Variants in DDX42 observed in about 807,000 individuals in gnomAD.
DDX42 encodes the protein DEAD-box helicase 42.
Under a neutral mutation model 101.5 loss-of-function variants are expected in DDX42, and 22 were observed. The observed-to-expected ratio is 0.22, with a 90% CI of 0.15 to 0.31. DDX42 has a LOEUF of 0.31. Ranked by LOEUF, DDX42 falls within the 10% of genes least tolerant of loss-of-function variation. The probability of loss-of-function intolerance (pLI) is 1.00; values close to 1 mark genes in which losing one functional copy is unlikely to be tolerated. For missense variants in DDX42, 849 were observed against 1,199.9 expected, an observed-to-expected ratio of 0.71 and a Z score of 4.32; for synonymous variants, 402 against 401.2, an observed-to-expected ratio of 1.00 and a Z score of -0.02.
intron 1 of DDX42, among the ~76,000 whole-genome samples, chr17:63,776,873 A>T (rs1475601249): frequency 6.6e-6 from 1 of 152,062 alleles, no homozygotes; most frequent in Non-Finnish European, 1.5e-5. Flanking sequence ...AGCCTGTGCT[A>T]CTTTACTATT....
chr17:63,817,597 C>G (rs1164106321), intron 17 of DDX42, 97 bp from the exon 18 acceptor site: 1 of 1,207,512 alleles, frequency 8.3e-7, no homozygotes, highest in Non-Finnish European at 1.2e-6. Flanking sequence ...GCCAGGATAG[C>G]ACAGAGTTTC....
intron 3 of DDX42, 71 bp from the exon 4 acceptor site, chr17:63,797,967 T>C: frequency 6.9e-7 from 1 of 1,444,012 alleles, no homozygotes; most frequent in Non-Finnish European, 9.5e-7. Flanking sequence ...ATGGCACTTG[T>C]TCCAATCTAA....
At position 63,818,993 on chromosome 17, in the gene DDX42, TCCCAGAAG is replaced by T. The variant is rs1008626923; in HGVS notation, c.*598_*605del. ...CCTTTCAGACCCAGGCTCTGAAGAT[TCCCAGAAG>T]CCACAAGGATTGAAGGGAAAAGGTG... On this transcript the variant is annotated 3_prime_UTR_variant, in exon 18 of 18. Transcript: ENST00000389924. 2 of 152,662 alleles carry T rather than the reference TCCCAGAAG, an allele frequency of 1.3e-5. No homozygotes were observed. Among genetic ancestry groups the T allele is most frequent in the African/African-American group, 4.8e-5 (2 of 41,410 alleles). 9.5% of individuals were successfully genotyped at this position (152,662 alleles called of 1,614,324 possible). A position where few individuals can be genotyped will look rare whatever the true frequency, so the allele number is the denominator to read the frequency against.
rs1207308849 is a variant in DDX42, at chr17:63,818,840, C to G, written c.*442C>G. 6.2e-6 allele frequency: 1 copy of G among 161,822 alleles called. No individual in the cohort carries two copies. Among genetic ancestry groups the G allele is most frequent in the Non-Finnish European group, 1.4e-5 (1 of 72,640 alleles). The allele number at this position is 161,822 out of a possible 1,614,324, so 10.0% of individuals were successfully genotyped here. A position where few individuals can be genotyped will look rare whatever the true frequency, so the allele number is the denominator to read the frequency against. On this transcript the variant is annotated 3_prime_UTR_variant, in exon 18 of 18. Transcript: ENST00000389924. ...GCTTCTGCAAATTCAATCCATTGAGCTAACTGTTGGGGAGCAATTTGGTAG... is the reference window on the plus strand; with the variant it reads ...GCTTCTGCAAATTCAATCCATTGAGGTAACTGTTGGGGAGCAATTTGGTAG...
At chr17:63,810,251 ATT>A (rs11450730) in intron 11 of DDX42, 11,132 of 121,120 alleles carry the variant, frequency 0.092, 1,564 homozygotes, top group African/African-American at 0.33. Context: ...CAGCCTGGCT[ATT>A]TTTTTTTTTT....
At chr17:63,812,249 A>G (rs763245906) in intron 14 of DDX42, 41 bp downstream of exon 14, 16 of 1,588,056 alleles carry the variant, frequency 1.0e-5, no homozygotes, top group South Asian at 2.3e-5. Flanking sequence ...TTCCTAGGCT[A>G]TAAGGGTACT....
chr17:63,805,435 G>T, intron 7 of DDX42: 1 of 322,946 alleles, frequency 3.1e-6, no homozygotes, highest in Non-Finnish European at 5.6e-6. Flanking sequence ...ATGGGCTAGT[G>T]ATGAAGGGTG....
intron 1 of DDX42, among the ~76,000 whole-genome samples, chr17:63,781,827 G>A (rs893142253): frequency 7.0e-6 from 1 of 143,520 alleles, no homozygotes; most frequent in Admixed American, 6.8e-5. Context: ...TGGCTAACAT[G>A]GTGAAACCCC....
chr17:63,817,968 G>A lies in DDX42; in HGVS notation c.2387G>A (p.Ser796Asn). Residue 796 changes from serine (S) to asparagine (N), a missense_variant, in exon 18 of 18, where the codon AGC (serine) becomes AAC (asparagine). Transcript: ENST00000389924. ...AACAACACAGCTTCAGGGAATAACAGCCGAGAAGGGACTGGGGGCAGCAAC... is the reference window on the plus strand; with the variant it reads ...AACAACACAGCTTCAGGGAATAACAACCGAGAAGGGACTGGGGGCAGCAAC... The part of the protein sequence containing the change: ...GVNNTASGNN[S>N]REGTGGSNGK... 1 of 1,614,170 alleles carries A rather than the reference G, an allele frequency of 6.2e-7. No homozygotes were observed. The highest frequency in any genetic ancestry group is 1.3e-5 in the African/African-American group (1 of 75,038).
Position 63,804,305 on chromosome 17 carries a change from T to C in DDX42, c.622-766T>C, listed in dbSNP as rs532586313. 2.0e-5 allele frequency among the ~76,000 whole-genome samples: 3 copies of C among 152,178 alleles called. No individual in the cohort carries two copies. In the East Asian group the frequency reaches 5.8e-4, roughly 29 times the overall value. The stretch of plus-strand genomic sequence containing the variant: ...GAAAAAAAAAATAGTTTATAAAAAA[T>C]AATTTAGCCAAATTGATAGGTGGTG... On this transcript the variant is annotated intron_variant, in intron 6 of 17. Transcript: ENST00000389924.
chr17:63,818,058 A>G lies in DDX42; in HGVS notation c.2477A>G (p.Asn826Ser), dbSNP rs568043238. The change falls in exon 18 of 18, where the codon AAT (asparagine) becomes AGT (serine). Residue 826 changes from asparagine to serine, a missense_variant. This residue lies in a region of DDX42 where 300 missense variants were observed against 304.9 expected (regional missense o/e 0.98). Transcript: ENST00000389924. The part of the protein sequence containing the change: ...SSRHSHGETG[N>S]RHSDSPRHGD... ...CGTCACAGTCACGGAGAGACTGGCA[A>G]TCGGCATAGCGATAGTCCACGTCAC... The G allele has an allele frequency of 2.1e-5, 34 of 1,614,050 alleles. No individual in the cohort carries two copies. In the Middle Eastern group the frequency reaches 1.6e-3, roughly 78 times the overall value.
At chr17:63,796,086 T>C (rs907554655) in intron 3 of DDX42, among the ~76,000 whole-genome samples, 2 of 152,212 alleles carry the variant, frequency 1.3e-5, no homozygotes, top group Non-Finnish European at 2.9e-5. Flanking sequence ...ATGTCTTGTA[T>C]GCGTTGTTTT....
intron 1 of DDX42, among the ~76,000 whole-genome samples, chr17:63,778,135 C>G (rs1238084328): frequency 1.3e-5 from 2 of 152,162 alleles, no homozygotes; most frequent in Non-Finnish European, 2.9e-5. Context: ...TTTTCTGGTT[C>G]CACGGTATTA....
intron 2 of DDX42, among the ~76,000 whole-genome samples, chr17:63,790,247 G>A (rs999607346): frequency 1.3e-5 from 2 of 152,100 alleles, no homozygotes; most frequent in African/African-American, 4.8e-5. Flanking sequence ...ATATTGCATC[G>A]TATAGTATAT....
At chr17:63,786,990 CTTT>C in intron 1 of DDX42, 41 bp from the exon 2 acceptor site, 2 of 1,604,114 alleles carry the variant, frequency 1.2e-6, no homozygotes, top group Non-Finnish European at 1.7e-6. Context: ...GGGCTATACA[CTTT>C]TTTAAGTTTA....
chr17:63,818,501 C>A lies in DDX42; in HGVS notation c.*103C>A, dbSNP rs2040008133. The A allele has an allele frequency of 6.5e-6, 7 of 1,076,176 alleles. No individual in the cohort carries two copies. The South Asian group carries it at 9.8e-5, about 15-fold the overall frequency. The allele number at this position is 1,076,176 out of a possible 1,614,324, so 66.7% of individuals were successfully genotyped here. ...GTTGGGGTCCAAAGTGTAAGGACCCCCTGCCCTTAGTGGAGAGCTGGAGCT... is the reference window on the plus strand; with the variant it reads ...GTTGGGGTCCAAAGTGTAAGGACCCACTGCCCTTAGTGGAGAGCTGGAGCT... On this transcript the variant is annotated 3_prime_UTR_variant, in exon 18 of 18. Coordinates refer to ENST00000389924, the MANE Select transcript of DDX42 (RefSeq NM_203499.3).
At chr17:63,809,417 T>C in intron 10 of DDX42, 143 bp from the exon 11 acceptor site, 2 of 626,548 alleles carry the variant, frequency 3.2e-6, no homozygotes, top group South Asian at 2.0e-5. Flanking sequence ...AGCTAAGTAG[T>C]GCATAAGGTA....
intron 4 of DDX42, among the ~76,000 whole-genome samples, chr17:63,798,889 C>T (rs1302312114): frequency 6.6e-6 from 1 of 152,144 alleles, no homozygotes; most frequent in Non-Finnish European, 1.5e-5. Context: ...CTTCCACCTG[C>T]CCTGCACTGG....
intron 3 of DDX42, among the ~76,000 whole-genome samples, chr17:63,796,769 T>C (rs906358156): frequency 1.3e-5 from 2 of 152,264 alleles, no homozygotes; most frequent in African/African-American, 4.8e-5. Flanking sequence ...ACATTGCTTA[T>C]GTCATCTTCA....
Sources: gnomAD v4.1 joint callset for allele counts (sites outside exome capture counted in the v4.1 genomes callset) on GRCh38, gnomAD v4.1.1 for gene constraint, gnomAD v4.1.1 regional missense constraint, MANE v1.5 for transcripts, NCBI Gene and HGNC (gene_info 2026-07-23, HGNC 2026-07-21) for gene names.